Variants in SAP30L observed in about 807,000 individuals in gnomAD.
The protein encoded by SAP30L is histone deacetylase complex subunit SAP30L.
In SAP30L, 10 loss-of-function variants were observed where a neutral mutation model predicts 22.3. That is an observed-to-expected ratio of 0.45 (90% CI 0.28 to 0.76). The LOEUF (loss-of-function observed/expected upper bound fraction) is 0.76, where lower values mean the gene tolerates loss of function less well. SAP30L is among the 30% of genes least tolerant of loss of function. SAP30L has a pLI of 0.14. For missense variants in SAP30L, 206 were observed against 237.9 expected (o/e 0.87, Z 0.88); for synonymous variants, 91 against 94.1 (o/e 0.97, Z 0.19).
chr5:154,452,740 A>AACAGTTCTTCCC (rs1185810072), intron 2 of SAP30L, among the ~76,000 whole-genome samples: 1 of 92,836 alleles, frequency 1.1e-5, no homozygotes, highest in Non-Finnish European at 2.3e-5. Flanking sequence ...ATTTGAGGAT[A>AACAGTTCTTCCC]ACAGCCCTCC....
At chr5:154,452,560 T>C (rs1757166784) in intron 2 of SAP30L, 1 of 840,230 alleles carries the variant, frequency 1.2e-6, no homozygotes, top group Non-Finnish European at 1.4e-6. Flanking sequence ...TTTCCTCTCT[T>C]CCTTTGTTAG....
intron 2 of SAP30L, 196 bp from the exon 3 acceptor site, chr5:154,453,206 C>G (rs560480926): frequency 2.0e-6 from 1 of 505,658 alleles, no homozygotes; most frequent in African/African-American, 1.9e-5. Context: ...CAGCCCACCC[C>G]AGCCAGAACT....
chr5:154,452,622 C>T (rs1321661393), intron 2 of SAP30L: 4 of 281,864 alleles, frequency 1.4e-5, no homozygotes, highest in Admixed American at 1.3e-4. Context: ...TCTGCAAAGA[C>T]CCCAGCCCTA....
chr5:154,454,637 A>C (rs1757226267), intron 3 of SAP30L, among the ~76,000 whole-genome samples: 2 of 152,064 alleles, frequency 1.3e-5, no homozygotes, highest in Admixed American at 6.5e-5. Flanking sequence ...CAACTCCTTC[A>C]CCAGTGTCCA....
At chr5:154,448,069 G>A (rs1757063182) in intron 1 of SAP30L, among the ~76,000 whole-genome samples, 2 of 146,460 alleles carry the variant, frequency 1.4e-5, no homozygotes, top group Admixed American at 6.9e-5. Context: ...TCCGCCTCCC[G>A]GGTTGAAGCG....
chr5:154,454,886 G>C (rs374768189), intron 3 of SAP30L, among the ~76,000 whole-genome samples: 1 of 151,498 alleles, frequency 6.6e-6, no homozygotes. Context: ...AGATGCCTCT[G>C]TTCAATTTGT....
At position 154,451,220 on chromosome 5, in the gene SAP30L, G is replaced by T; in HGVS notation, c.324+7G>T. On this transcript the variant is annotated splice_region_variant and intron_variant, in intron 2 of 3. Coordinates refer to ENST00000297109, the MANE Select transcript of SAP30L (RefSeq NM_024632.6). ...CGACACTGACATTCCTGAGGTAAAG[G>T]TCAAAGAAACCAGTTGCGGAAGCTG... 12 of 1,611,348 alleles carry T rather than the reference G, an allele frequency of 7.4e-6. No homozygotes were observed. Among genetic ancestry groups the T allele is most frequent in the Non-Finnish European group, 1.0e-5 (12 of 1,178,996 alleles).
chr5:154,451,244 T>A, intron 2 of SAP30L, 31 bp downstream of exon 2: 1 of 1,606,166 alleles, frequency 6.2e-7, no homozygotes, highest in Non-Finnish European at 8.5e-7. Context: ...TTGCGGAAGC[T>A]GGAAGAATGG....
rs905534752 is a variant in SAP30L, at chr5:154,446,275, C to T, written c.-330C>T. 3 of 252,608 alleles carry T rather than the reference C, an allele frequency of 1.2e-5. No homozygotes were observed. The highest frequency in any genetic ancestry group is 3.4e-4 in the South Asian group (2 of 5,964). The allele number at this position is 252,608 out of a possible 1,614,324, so 15.6% of individuals were successfully genotyped here. On this transcript the variant is annotated 5_prime_UTR_variant, in exon 1 of 4. Transcript: ENST00000297109. The stretch of plus-strand genomic sequence containing the variant: ...CGGAGTCCTTGGGGAGCGGCTGTTT[C>T]CTGGGACGCCCTCCCGGACACCCCC...
rs1325903396 is a variant in SAP30L at position 154,456,821 on chromosome 5, T to C, written c.*793T>C. 1.3e-5 allele frequency: 2 copies of C among 152,244 alleles called. No individual in the cohort carries two copies. 9.4% of individuals were successfully genotyped at this position (152,244 alleles called of 1,614,324 possible). On this transcript the variant is annotated 3_prime_UTR_variant, in exon 4 of 4. Transcript: ENST00000297109. ...CCCTCACAGAAGATACGGTCCCTTA[T>C]GCACCCCACTATGCTTCACTCTTTG...
rs1356091276 is a variant in SAP30L at position 154,446,330 on chromosome 5, C to T, written c.-275C>T. 6 of 353,876 alleles carry T rather than the reference C, an allele frequency of 1.7e-5. No homozygotes were observed. The highest frequency in any genetic ancestry group is 5.1e-6 in the Non-Finnish European group (1 of 197,606). The allele number at this position is 353,876 out of a possible 1,614,324, so 21.9% of individuals were successfully genotyped here. ...CAGGGTTACGGTTCTGGGCCCCCGG[C>T]AGAAGGCTCCTCCGGGTGACCCCCG... On this transcript the variant is annotated 5_prime_UTR_variant, in exon 1 of 4. Transcript: ENST00000297109.
In SAP30L at chr5:154,451,135, G is replaced by C; in HGVS notation, c.246G>C (p.Gln82His). Reference sequence around the variant, plus strand: ...GTGATTTTCACAAAAATTTCATCCAGAGTGTCCGAAATAAAAGGAAGAGGA... The same window carrying C: ...GTGATTTTCACAAAAATTTCATCCACAGTGTCCGAAATAAAAGGAAGAGGA... ...YICDFHKNFI[Q>H]SVRNKRKRKT... Residue 82 changes from glutamine to histidine, a missense_variant, in exon 2 of 4, where the codon CAG becomes CAC. Transcript: ENST00000297109. 1 of 1,614,106 alleles carries C rather than the reference G, an allele frequency of 6.2e-7. No individual in the cohort carries two copies.
At chr5:154,450,577 C>T (rs991336225) in intron 1 of SAP30L, among the ~76,000 whole-genome samples, 1 of 152,158 alleles carries the variant, frequency 6.6e-6, no homozygotes, top group Non-Finnish European at 1.5e-5. Context: ...GGGACTCTGT[C>T]TTGTCGGAAG....
intron 1 of SAP30L, among the ~76,000 whole-genome samples, chr5:154,450,131 C>CT (rs1757108350): frequency 6.6e-6 from 1 of 152,200 alleles, no homozygotes; most frequent in Non-Finnish European, 1.5e-5. Context: ...AAGTCATTTG[C>CT]TGGGCATTCA....
intron 2 of SAP30L, among the ~76,000 whole-genome samples, chr5:154,451,799 A>G (rs1757146705): frequency 6.6e-6 from 1 of 152,126 alleles, no homozygotes; most frequent in Non-Finnish European, 1.5e-5. Context: ...TGTCCTCTGC[A>G]TTGTAGGATA....
chr5:154,446,857 C>T, intron 1 of SAP30L, 52 bp downstream of exon 1: 10 of 1,501,596 alleles, frequency 6.7e-6, no homozygotes, highest in Non-Finnish European at 6.4e-6. Flanking sequence ...GCTCTCCGTC[C>T]GCTGCCCTGG....
intron 3 of SAP30L, among the ~76,000 whole-genome samples, chr5:154,454,508 T>C (rs1757223291): frequency 6.6e-6 from 1 of 152,260 alleles, no homozygotes; most frequent in South Asian, 2.1e-4. Context: ...TAGTTCTCTG[T>C]CTTTTTTTAT....
intron 1 of SAP30L, among the ~76,000 whole-genome samples, chr5:154,447,969 C>CTTTTTTTTTTTTTTTTTTTTTTTTTT (rs140213326): frequency 2.4e-4 from 21 of 88,376 alleles, no homozygotes; most frequent in Non-Finnish European, 2.9e-4. Flanking sequence ...TTTTCTTTTT[C>CTTTTTTTTTTTTTTTTTTTTTTTTTT]TTTTTTTTTT....
chr5:154,453,333 A>G (rs1757191520), intron 2 of SAP30L, 69 bp from the exon 3 acceptor site: 1 of 1,059,152 alleles, frequency 9.4e-7, no homozygotes, highest in African/African-American at 1.6e-5. Context: ...AGTGCTAGGC[A>G]CATAGTGGGC....
Sources: allele counts gnomAD v4.1 joint callset (sites outside exome capture counted in the v4.1 genomes callset), GRCh38; gene constraint gnomAD v4.1.1; transcripts MANE v1.5; gene names NCBI Gene and HGNC (gene_info 2026-07-23, HGNC 2026-07-21).